GFRA1: variants seen among roughly 807,000 people sequenced by gnomAD.
GFRA1 encodes GDNF family receptor alpha 1.
Under a neutral mutation model 51.6 loss-of-function variants are expected in GFRA1, and 16 were observed. That is an observed-to-expected ratio of 0.31 (90% CI 0.21 to 0.47). GFRA1 has a LOEUF of 0.47. Among genes scored for constraint, GFRA1 ranks in the 20% least tolerant of loss-of-function variants. GFRA1 has a pLI of 1.00. For synonymous variants in GFRA1, 270 were observed against 241.3 expected (o/e 1.12, Z -1.10); for missense variants, 530 against 594.3 (o/e 0.89, Z 1.13).
At chr10:116,203,388 G>A (rs1041083508) in intron 5 of GFRA1, among the ~76,000 whole-genome samples, 5 of 152,180 alleles carry the variant, frequency 3.3e-5, no homozygotes, top group South Asian at 2.1e-4. Flanking sequence ...AGGGAACCAG[G>A]TGCATCAGAG....
intron 4 of GFRA1, among the ~76,000 whole-genome samples, chr10:116,244,024 A>C (rs1228206166): frequency 6.6e-6 from 1 of 152,238 alleles, no homozygotes; most frequent in Non-Finnish European, 1.5e-5. Context: ...AGATGACTGC[A>C]TAAGGTTGCC....
intron 5 of GFRA1, among the ~76,000 whole-genome samples, chr10:116,136,086 T>A (rs936428123): frequency 6.6e-6 from 1 of 152,232 alleles, no homozygotes; most frequent in Non-Finnish European, 1.5e-5. Flanking sequence ...TTAATGACTT[T>A]CTCTGGACCA....
At chr10:116,064,785 A>G (rs1488363062) in intron 10 of GFRA1, among the ~76,000 whole-genome samples, 1 of 152,152 alleles carries the variant, frequency 6.6e-6, no homozygotes, top group African/African-American at 2.4e-5. Context: ...TTGCTCTTCC[A>G]TTAGGAATTA....
intron 5 of GFRA1, among the ~76,000 whole-genome samples, chr10:116,195,480 C>A (rs189232616): frequency 6.6e-6 from 1 of 152,224 alleles, no homozygotes; most frequent in Non-Finnish European, 1.5e-5. Context: ...TCAGACAATT[C>A]TCATAAGGAG....
At chr10:116,079,770 G>A (rs1295727283) in intron 9 of GFRA1, among the ~76,000 whole-genome samples, 1 of 152,156 alleles carries the variant, frequency 6.6e-6, no homozygotes, top group East Asian at 1.9e-4. Flanking sequence ...TCACAGCCAA[G>A]AGGTTACTGG....
intron 5 of GFRA1, among the ~76,000 whole-genome samples, chr10:116,194,142 C>T (rs1963532111): frequency 6.7e-6 from 1 of 150,338 alleles, no homozygotes; most frequent in Non-Finnish European, 1.5e-5. Flanking sequence ...GTTACTAATA[C>T]TTTGCAGTCT....
At chr10:116,113,121 A>G (rs1302085824) in intron 6 of GFRA1, among the ~76,000 whole-genome samples, 1 of 151,794 alleles carries the variant, frequency 6.6e-6, no homozygotes, top group African/African-American at 2.4e-5. Flanking sequence ...TCTCTCTCCC[A>G]GCCACCTTCC....
intron 9 of GFRA1, among the ~76,000 whole-genome samples, chr10:116,067,088 T>C (rs1442665570): frequency 6.6e-6 from 1 of 152,156 alleles, no homozygotes; most frequent in Non-Finnish European, 1.5e-5. Context: ...CTGTGAAGCA[T>C]CCCTGGGCTG....
chr10:116,206,184 C>T (rs956965474), intron 5 of GFRA1, among the ~76,000 whole-genome samples: 8 of 152,058 alleles, frequency 5.3e-5, no homozygotes, highest in Non-Finnish European at 1.2e-4. Context: ...GGAATGTTTA[C>T]CTGGAAGTGG....
At chr10:116,065,743 G>A in intron 9 of GFRA1, 117 bp from the exon 10 acceptor site, 4 of 755,560 alleles carry the variant, frequency 5.3e-6, no homozygotes, top group East Asian at 2.7e-5. Flanking sequence ...ACACAGCTGT[G>A]AGCTCCATAT....
chr10:116,097,948 C>T (rs1956669708), intron 6 of GFRA1, among the ~76,000 whole-genome samples: 1 of 152,174 alleles, frequency 6.6e-6, no homozygotes, highest in Non-Finnish European at 1.5e-5. Context: ...CATCCCTTTC[C>T]TGCAATTTTA....
In GFRA1 at chr10:116,064,258, A is replaced by G. The variant is rs1387590074; in HGVS notation, c.*140T>C. 5.9e-6 allele frequency: 4 copies of G among 677,934 alleles called. No individual in the cohort carries two copies. The East Asian group carries it at 1.2e-4, about 21-fold the overall frequency. 42.0% of individuals were successfully genotyped at this position (677,934 alleles called of 1,614,324 possible). On this transcript the variant is annotated 3_prime_UTR_variant, in exon 11 of 11. Transcript: ENST00000355422. ...ATCACAAGAAGCTTTCTTAAAAGGA[A>G]AAAAAAAAAATGTTCCAGTTGAATG...
chr10:116,138,689 A>G (rs1021395087), intron 5 of GFRA1, among the ~76,000 whole-genome samples: 1 of 105,042 alleles, frequency 9.5e-6, no homozygotes, highest in African/African-American at 3.8e-5. Context: ...CCAACCCACC[A>G]TGGTCTCTCA....
At chr10:116,217,951 A>C (rs994412328) in intron 4 of GFRA1, among the ~76,000 whole-genome samples, 1 of 152,214 alleles carries the variant, frequency 6.6e-6, no homozygotes, top group African/African-American at 2.4e-5. Context: ...CTGTAAAGGA[A>C]TCATGAGAGG....
intron 5 of GFRA1, among the ~76,000 whole-genome samples, chr10:116,210,855 C>T (rs1000519882): frequency 2.1e-5 from 3 of 145,010 alleles, no homozygotes; most frequent in Admixed American, 2.0e-4. Context: ...AGCTTGACTA[C>T]AAACAGTGAT....
intron 5 of GFRA1, among the ~76,000 whole-genome samples, chr10:116,180,442 A>G (rs1962100390): frequency 6.6e-6 from 1 of 152,198 alleles, no homozygotes; most frequent in Non-Finnish European, 1.5e-5. Context: ...GTCTTCATCA[A>G]TATCAACTCT....
intron 5 of GFRA1, among the ~76,000 whole-genome samples, chr10:116,192,058 T>G (rs995740931): frequency 1.3e-5 from 2 of 151,846 alleles, no homozygotes; most frequent in Admixed American, 1.3e-4. Flanking sequence ...AGGTTAGGAG[T>G]TGCCTGGCTA....
At chr10:116,151,781 C>T (rs1400277747) in intron 5 of GFRA1, among the ~76,000 whole-genome samples, 2 of 152,068 alleles carry the variant, frequency 1.3e-5, no homozygotes, top group Non-Finnish European at 2.9e-5. Flanking sequence ...TATTGAGGAT[C>T]GACTGTGTTC....
intron 5 of GFRA1, among the ~76,000 whole-genome samples, chr10:116,182,749 T>G (rs1379470189): frequency 6.6e-6 from 1 of 152,220 alleles, no homozygotes. Flanking sequence ...TGACTCTCTT[T>G]GCCAGTTCCA....
Sources: allele counts gnomAD v4.1 joint callset (sites outside exome capture counted in the v4.1 genomes callset), GRCh38; gene constraint gnomAD v4.1.1; transcripts MANE v1.5; gene names NCBI Gene and HGNC (gene_info 2026-07-23, HGNC 2026-07-21).